Variants in CLEC1A observed in about 807,000 individuals in gnomAD.
CLEC1A encodes C-type lectin domain family 1 member A.
Under a neutral mutation model 28.7 loss-of-function variants are expected in CLEC1A, and 34 were observed. That is an observed-to-expected ratio of 1.18 (90% confidence interval 0.90 to 1.57). The LOEUF (loss-of-function observed/expected upper bound fraction) is 1.57, where lower values mean the gene tolerates loss of function less well. Ranked by LOEUF, CLEC1A falls within the 40% of genes most tolerant of loss-of-function variation. The pLI, the probability that CLEC1A is intolerant of heterozygous loss-of-function variation, is 0.00. For synonymous variants in CLEC1A, 116 were observed against 121.0 expected (o/e 0.96, Z 0.27); for missense variants, 385 against 339.5 (o/e 1.13, Z -1.05).
chr12:10,075,822 G>T (rs574291298), intron 3 of CLEC1A, among the ~76,000 whole-genome samples, 167 bp from the exon 4 acceptor site: 3 of 152,186 alleles, frequency 2.0e-5, no homozygotes, highest in African/African-American at 7.2e-5. Context: ...CCTACTAACT[G>T]CCAGGAATTA....
intron 2 of CLEC1A, 26 bp from the exon 3 acceptor site, chr12:10,081,439 G>A: frequency 6.4e-7 from 1 of 1,550,774 alleles, no homozygotes. Context: ...AAGTCAGACT[G>A]GACAGCTTAT....
intron 5 of CLEC1A, 94 bp downstream of exon 5, chr12:10,073,199 G>T: frequency 1.2e-6 from 1 of 867,940 alleles, no homozygotes; most frequent in Non-Finnish European, 1.9e-6. Flanking sequence ...GCAGAAGTTT[G>T]ATTAATACTT....
Position 10,089,228 on chromosome 12 carries a change from G to A in CLEC1A, c.116-6C>T, listed in dbSNP as rs981726862. ...TGAAGAGGGAGCCCTGTGCTCTGCAGGGAACAGAAGAGAAAGCAGAGTTTG... is the reference window on the plus strand; with the variant it reads ...TGAAGAGGGAGCCCTGTGCTCTGCAAGGAACAGAAGAGAAAGCAGAGTTTG... On this transcript the variant is annotated splice_polypyrimidine_tract_variant and splice_region_variant and intron_variant, in intron 1 of 5. Coordinates refer to ENST00000315330, the MANE Select transcript of CLEC1A (RefSeq NM_016511.4). 29 of 1,612,022 alleles carry A rather than the reference G, an allele frequency of 1.8e-5. No individual in the cohort carries two copies. The highest frequency in any genetic ancestry group is 2.5e-5 in the Non-Finnish European group (29 of 1,178,326).
intron 2 of CLEC1A, among the ~76,000 whole-genome samples, chr12:10,088,871 C>A (rs919499327): frequency 1.3e-5 from 2 of 151,928 alleles, no homozygotes; most frequent in Non-Finnish European, 2.9e-5. Context: ...TTTTTTTAAA[C>A]ATTGACATAC....
At chr12:10,073,183 T>G (rs1866173068) in intron 5 of CLEC1A, 110 bp downstream of exon 5, 1 of 759,588 alleles carries the variant, frequency 1.3e-6, no homozygotes, top group Admixed American at 2.1e-5. Context: ...CAGTATCCAG[T>G]ACAAAGCAGA....
chr12:10,071,177 A>T lies in CLEC1A; in HGVS notation c.*156T>A, dbSNP rs1866118540. On this transcript the variant is annotated 3_prime_UTR_variant, in exon 6 of 6. Coordinates refer to ENST00000315330, the MANE Select transcript of CLEC1A (RefSeq NM_016511.4). The stretch of plus-strand genomic sequence containing the variant: ...AATACGTGCATAAACCCAAGCTCAG[A>T]AATGCTGGTGATCCTGAACAGGAAA... 2 of 650,886 alleles carry T rather than the reference A, an allele frequency of 3.1e-6. No homozygotes were observed. The highest frequency in any genetic ancestry group is 5.0e-6 in the Non-Finnish European group (2 of 399,510). The allele number at this position is 650,886 out of a possible 1,614,324, so 40.3% of individuals were successfully genotyped here.
At chr12:10,095,222 G>A (rs946339769) in intron 1 of CLEC1A, among the ~76,000 whole-genome samples, 6 of 152,192 alleles carry the variant, frequency 3.9e-5, no homozygotes, top group East Asian at 3.9e-4. Flanking sequence ...AAACTAAAAC[G>A]CTGGGAAATT....
At position 10,089,233 on chromosome 12, in the gene CLEC1A, C is replaced by A. The variant is rs1163617793; in HGVS notation, c.116-11G>T. On this transcript the variant is annotated splice_polypyrimidine_tract_variant and intron_variant, in intron 1 of 5. Transcript: ENST00000315330. ...AGGGAGCCCTGTGCTCTGCAGGGAA[C>A]AGAAGAGAAAGCAGAGTTTGGCTTT... 6.2e-7 allele frequency: 1 copy of A among 1,610,710 alleles called. No homozygotes were observed. The highest frequency in any genetic ancestry group is 8.5e-7 in the Non-Finnish European group (1 of 1,177,148).
At position 10,070,391 on chromosome 12, in the gene CLEC1A, A is replaced by G. The variant is rs138505507; in HGVS notation, c.*942T>C. ...CCCCAAAAACTTTCAGTAAGGCACA[A>G]TCAAAATAATGACCGCTATCATATT... On this transcript the variant is annotated 3_prime_UTR_variant, in exon 6 of 6. Transcript: ENST00000315330. 10 of 152,360 alleles carry G rather than the reference A, an allele frequency of 6.6e-5. 2 individuals are homozygous for G. Among genetic ancestry groups the G allele is most frequent in the African/African-American group, 2.2e-4 (9 of 41,586 alleles). 9.4% of individuals were successfully genotyped at this position (152,360 alleles called of 1,614,324 possible). A position where few individuals can be genotyped will look rare whatever the true frequency, so the allele number is the denominator to read the frequency against.
intron 2 of CLEC1A, among the ~76,000 whole-genome samples, chr12:10,088,206 A>G (rs929680379): frequency 5.9e-5 from 9 of 152,226 alleles, no homozygotes; most frequent in African/African-American, 2.2e-4. Flanking sequence ...AAGTATAGAA[A>G]TCCCTCATGA....
At chr12:10,085,167 C>T (rs887110023) in intron 2 of CLEC1A, among the ~76,000 whole-genome samples, 1 of 145,390 alleles carries the variant, frequency 6.9e-6, no homozygotes, top group Non-Finnish European at 1.5e-5. Flanking sequence ...CTCCTGAAAG[C>T]ATAAATCTCA....
chr12:10,081,328 C>T lies in CLEC1A; in HGVS notation c.300G>A (p.Leu100=). ...TTATATTCTGGACTTGAAGAGATTG[C>T]AACTCTTGGGACGTATTTCCTAATC... is the stretch of plus-strand genomic sequence containing the variant. ...EERLGNTSQE[L]QSLQVQNIKL... Residue 100 remains leucine, a synonymous_variant, in exon 3 of 6, where the codon TTG becomes TTA. Transcript: ENST00000315330. 6.2e-7 allele frequency: 1 copy of T among 1,612,942 alleles called. No individual in the cohort carries two copies. The highest frequency in any genetic ancestry group is 1.1e-5 in the South Asian group (1 of 90,954).
chr12:10,076,516 T>A (rs903552545), intron 3 of CLEC1A, among the ~76,000 whole-genome samples: 1 of 152,170 alleles, frequency 6.6e-6, no homozygotes, highest in African/African-American at 2.4e-5. Flanking sequence ...GATATCTTTG[T>A]CATGTTATGA....
At chr12:10,096,546 T>C (rs11053578) in intron 1 of CLEC1A, among the ~76,000 whole-genome samples, 114,841 of 151,992 alleles carry the variant, frequency 0.76, 45,131 homozygotes, top group Non-Finnish European at 0.88. Context: ...ATGCAAAATT[T>C]TGTTTCTCCC....
intron 2 of CLEC1A, among the ~76,000 whole-genome samples, chr12:10,086,537 C>T (rs548214370): frequency 6.6e-6 from 1 of 151,890 alleles, no homozygotes; most frequent in East Asian, 1.9e-4. Context: ...CACACAAATA[C>T]GAAAGATCAC....
rs186463477 is a variant in CLEC1A at position 10,087,974 on chromosome 12, T to C, written c.214+1150A>G. Among the ~76,000 whole-genome samples, 567 of 152,288 alleles carry C rather than the reference T, an allele frequency of 3.7e-3. 4 individuals carry two copies. The highest frequency in any genetic ancestry group is 8.1e-3 in the Admixed American group (124 of 15,304). ...AAATATTTTTATGTATACTCTCAAA[T>C]GTTACTCAACATAAAACCGCCAATC... On this transcript the variant is annotated intron_variant, in intron 2 of 5. Transcript: ENST00000315330.
intron 1 of CLEC1A, among the ~76,000 whole-genome samples, chr12:10,091,011 T>C (rs1209457870): frequency 6.6e-6 from 1 of 152,204 alleles, no homozygotes; most frequent in African/African-American, 2.4e-5. Flanking sequence ...CTTGATCTGA[T>C]CAAGCTTGAC....
chr12:10,098,957 C>G lies in CLEC1A; in HGVS notation c.-35G>C. On this transcript the variant is annotated 5_prime_UTR_variant, in exon 1 of 6. Transcript: ENST00000315330. ...TACAGCGGTGAGAGTGAAATGTGGT[C>G]GGATTGCCCTGGGCCGCCGGGCTAC... The G allele has an allele frequency of 2.0e-6, 3 of 1,523,858 alleles. No homozygotes were observed. The highest frequency in any genetic ancestry group is 2.7e-6 in the Non-Finnish European group (3 of 1,108,226). The allele number at this position is 1,523,858 out of a possible 1,614,324, so 94.4% of individuals were successfully genotyped here. A position where few individuals can be genotyped will look rare whatever the true frequency, so the allele number is the denominator to read the frequency against.
chr12:10,092,913 C>T (rs537486835), intron 1 of CLEC1A, among the ~76,000 whole-genome samples: 44 of 152,232 alleles, frequency 2.9e-4, no homozygotes, highest in African/African-American at 9.6e-4. Flanking sequence ...CTCCCTCTTG[C>T]TCTCTCGCTT....
Sources: allele counts gnomAD v4.1 joint callset (sites outside exome capture counted in the v4.1 genomes callset), GRCh38; gene constraint gnomAD v4.1.1; transcripts MANE v1.5; gene names NCBI Gene and HGNC (gene_info 2026-07-23, HGNC 2026-07-21).